NELL1: variants seen among roughly 807,000 people sequenced by gnomAD.
NELL1 encodes the protein protein kinase C-binding protein NELL1.
Under a neutral mutation model 107.4 loss-of-function variants are expected in NELL1, and 76 were observed. That is an observed-to-expected ratio of 0.71 (90% CI 0.59 to 0.86). NELL1 has a LOEUF of 0.86. Ranked by LOEUF, NELL1 falls within the 40% of genes least tolerant of loss-of-function variation. The probability of loss-of-function intolerance (pLI) is 0.00; values close to 1 mark genes in which losing one functional copy is unlikely to be tolerated. For missense variants in NELL1, 1,024 were observed against 1,005.5 expected (o/e 1.02, Z -0.25); for synonymous variants, 353 against 341.2 (o/e 1.03, Z -0.38).
At chr11:21,023,749 A>T (rs570690074) in intron 12 of NELL1, among the ~76,000 whole-genome samples, 1 of 152,170 alleles carries the variant, frequency 6.6e-6, no homozygotes, top group East Asian at 1.9e-4. Flanking sequence ...TATGACATCT[A>T]CTGGCTCCAG....
chr11:20,910,921 G>C (rs376534088), intron 5 of NELL1, among the ~76,000 whole-genome samples: 84 of 151,910 alleles, frequency 5.5e-4, no homozygotes, highest in African/African-American at 1.9e-3. Flanking sequence ...TAGTACATTT[G>C]TAACACATGT....
chr11:20,674,446 A>C (rs1473207836), intron 1 of NELL1: 1 of 1,472,014 alleles, frequency 6.8e-7, no homozygotes, highest in Admixed American at 2.0e-5. Context: ...AGGTACCAGT[A>C]TCTTTTTACA....
At chr11:21,143,149 T>C (rs1019078586) in intron 13 of NELL1, among the ~76,000 whole-genome samples, 3 of 152,170 alleles carry the variant, frequency 2.0e-5, no homozygotes, top group Non-Finnish European at 4.4e-5. Flanking sequence ...GTTGCCTTTT[T>C]GTGTTTGTGT....
chr11:21,120,992 G>T (rs888284920), intron 13 of NELL1, among the ~76,000 whole-genome samples: 5 of 152,020 alleles, frequency 3.3e-5, no homozygotes, highest in African/African-American at 1.2e-4. Flanking sequence ...AATTCTTTAT[G>T]GCAGAGATTC....
chr11:21,489,707 C>T (rs1854749106), intron 15 of NELL1, among the ~76,000 whole-genome samples: 1 of 152,076 alleles, frequency 6.6e-6, no homozygotes, highest in East Asian at 1.9e-4. Context: ...AAATGATCAT[C>T]TCAATAGACA....
At chr11:20,939,699 C>T (rs1443342345) in intron 10 of NELL1, among the ~76,000 whole-genome samples, 1 of 152,108 alleles carries the variant, frequency 6.6e-6, no homozygotes, top group Admixed American at 6.6e-5. Context: ...CACTGTGGTA[C>T]TCATGGGAAG....
At chr11:20,760,713 T>G (rs541812725) in intron 2 of NELL1, among the ~76,000 whole-genome samples, 1 of 152,138 alleles carries the variant, frequency 6.6e-6, no homozygotes, top group African/African-American at 2.4e-5. Context: ...AAAATAAGAT[T>G]TCTTAGGATT....
In NELL1 at chr11:20,877,922, T is replaced by G. The variant is rs544803800; in HGVS notation, c.507-7522T>G. Among the ~76,000 whole-genome samples, 428 of 152,242 alleles carry G rather than the reference T, an allele frequency of 2.8e-3. 1 individual carries two copies. Among genetic ancestry groups the G allele is most frequent in the Admixed American group, 4.6e-3 (70 of 15,294 alleles). ...AGACTCATGTCTAATGGGAAGTGGG[T>G]GTTCTTCAGCCCAAAGAAAGGGTAA... On this transcript the variant is annotated intron_variant, in intron 4 of 19. Transcript: ENST00000357134.
intron 14 of NELL1, among the ~76,000 whole-genome samples, chr11:21,306,190 CA>C (rs1849601120): frequency 1.3e-5 from 2 of 151,902 alleles, no homozygotes; most frequent in African/African-American, 4.8e-5. Flanking sequence ...TCTACGTACA[CA>C]AAAAGCCAAG....
chr11:21,409,293 A>C (rs1852310919), intron 15 of NELL1, among the ~76,000 whole-genome samples: 1 of 152,110 alleles, frequency 6.6e-6, no homozygotes, highest in Non-Finnish European at 1.5e-5. Context: ...GACATGGATG[A>C]AATTGGAAAT....
At chr11:21,276,878 A>G (rs2133942220) in intron 14 of NELL1, among the ~76,000 whole-genome samples, 1 of 152,246 alleles carries the variant, frequency 6.6e-6, no homozygotes, top group East Asian at 1.9e-4. Context: ...CCTTCCTTAC[A>G]TCTTATACAA....
intron 2 of NELL1, among the ~76,000 whole-genome samples, chr11:20,691,209 T>G (rs957547508): frequency 6.6e-5 from 10 of 152,164 alleles, no homozygotes; most frequent in Non-Finnish European, 1.3e-4. Context: ...TTTCTAGATA[T>G]GCAATCATGT....
chr11:21,008,057 A>C (rs372029540), intron 12 of NELL1, among the ~76,000 whole-genome samples: 1 of 152,104 alleles, frequency 6.6e-6, no homozygotes, highest in South Asian at 2.1e-4. Flanking sequence ...GGTTGCTTAC[A>C]GAAGTGAAGT....
chr11:21,436,116 G>A (rs753936144), intron 15 of NELL1, among the ~76,000 whole-genome samples: 3 of 152,090 alleles, frequency 2.0e-5, no homozygotes, highest in Non-Finnish European at 4.4e-5. Flanking sequence ...GAGTACAGTG[G>A]CATGATCCTG....
chr11:20,892,442 T>C (rs910968557), intron 5 of NELL1, among the ~76,000 whole-genome samples: 1 of 152,184 alleles, frequency 6.6e-6, no homozygotes, highest in Non-Finnish European at 1.5e-5. Flanking sequence ...ATAGATCCTA[T>C]GTGAGGCTGT....
chr11:21,293,845 C>A (rs776007363), intron 14 of NELL1, among the ~76,000 whole-genome samples: 1 of 152,066 alleles, frequency 6.6e-6, no homozygotes, highest in South Asian at 2.1e-4. Flanking sequence ...AAACCAAACA[C>A]CACATGATCT....
chr11:21,265,039 C>G (rs534053415), intron 14 of NELL1, among the ~76,000 whole-genome samples: 58 of 151,956 alleles, frequency 3.8e-4, no homozygotes, highest in African/African-American at 1.4e-3. Flanking sequence ...GTTCATGTGG[C>G]TGTAATGTTT....
intron 15 of NELL1, among the ~76,000 whole-genome samples, chr11:21,390,469 G>T (rs1015105817): frequency 6.6e-6 from 1 of 150,736 alleles, no homozygotes; most frequent in African/African-American, 2.4e-5. Context: ...GGAAGATGAG[G>T]AGTTCTTTTT....
chr11:21,080,411 A>G (rs1436015812), intron 12 of NELL1, among the ~76,000 whole-genome samples: 1 of 151,992 alleles, frequency 6.6e-6, no homozygotes, highest in Non-Finnish European at 1.5e-5. Context: ...TATGCATATA[A>G]CCCTTTTTAT....
Sources: allele counts gnomAD v4.1 joint callset (sites outside exome capture counted in the v4.1 genomes callset), GRCh38; gene constraint gnomAD v4.1.1; transcripts MANE v1.5; gene names NCBI Gene and HGNC (gene_info 2026-07-23, HGNC 2026-07-21).